Variants in CAMP observed in about 807,000 individuals in gnomAD.
The protein encoded by CAMP is cathelicidin antimicrobial peptide.
In CAMP, 10 loss-of-function variants were observed where a neutral mutation model predicts 12.7. That is an observed-to-expected ratio of 0.79 (90% CI 0.49 to 1.34). The LOEUF (loss-of-function observed/expected upper bound fraction) is 1.34, where lower values mean the gene tolerates loss of function less well. Among genes scored for constraint, CAMP ranks in the 40% most tolerant of loss-of-function variants. The pLI, the probability that CAMP is intolerant of heterozygous loss-of-function variation, is 0.00. For missense variants in CAMP, 205 were observed against 213.0 expected, an observed-to-expected ratio of 0.96 and a Z score of 0.23; for synonymous variants, 87 against 85.2, an observed-to-expected ratio of 1.02 and a Z score of -0.12.
In CAMP at chr3:48,223,573, G is replaced by T. The variant is rs769920994; in HGVS notation, c.62G>T (p.Gly21Val). ...TGGTCACTGGTGCTCCTGCTGCTGG[G>T]CCTGGTGATGCCTCTGGCCATCATT... ...GRWSLVLLLL[G>V]LVMPLAIIAQ... The change falls in exon 1 of 4, where the codon GGC becomes GTC. Residue 21 changes from glycine (G) to valine (V), a missense_variant. Gly to Val is a moderately radical substitution (Grantham distance 109). Coordinates refer to ENST00000652295, the MANE Select transcript of CAMP (RefSeq NM_004345.5). 6.2e-6 allele frequency: 10 copies of T among 1,612,914 alleles called. No homozygotes were observed. The South Asian group carries it at 1.1e-4, about 18-fold the overall frequency.
In CAMP at chr3:48,225,464, A is replaced by G; in HGVS notation, c.*40A>G. 6.3e-7 allele frequency: 1 copy of G among 1,583,312 alleles called. No individual in the cohort carries two copies. The highest frequency in any genetic ancestry group is 1.1e-5 in the South Asian group (1 of 89,098). On this transcript the variant is annotated 3_prime_UTR_variant, in exon 4 of 4. Transcript: ENST00000652295. Reference sequence around the variant, plus strand: ...TGGCTCAGGCTTCTGGGCTCTGAGAAATAAACTATGAGAGCAATTTCCTCA... The same window carrying G: ...TGGCTCAGGCTTCTGGGCTCTGAGAGATAAACTATGAGAGCAATTTCCTCA...
At chr3:48,225,078 A>T (rs183019175) in intron 3 of CAMP, among the ~76,000 whole-genome samples, 2 of 152,252 alleles carry the variant, frequency 1.3e-5, no homozygotes, top group African/African-American at 4.8e-5. Context: ...GACCCTGCAG[A>T]GCCCCTCACT....
rs2106814659 is a variant in CAMP, at chr3:48,224,449, C to T, written c.297C>T (p.Phe99=). The change falls in exon 2 of 4, where the codon TTC becomes TTT. Residue 99 remains phenylalanine, a synonymous_variant. Coordinates refer to ENST00000652295, the MANE Select transcript of CAMP (RefSeq NM_004345.5). ...TTQQSPEDCD[F]KKDGLVKRCM... is the part of the protein sequence containing the mutation. The stretch of plus-strand genomic sequence containing the variant: ...AGCAGTCACCAGAGGATTGTGACTT[C>T]AAGAAGGACGGGGTGAGGCTGGGGG... 1 of 1,611,730 alleles carries T rather than the reference C, an allele frequency of 6.2e-7. No individual in the cohort carries two copies. Among genetic ancestry groups the T allele is most frequent in the East Asian group, 2.2e-5 (1 of 44,868 alleles).
At chr3:48,224,716 A>G (rs2033481141) in intron 3 of CAMP, 42 bp downstream of exon 3, 5 of 1,426,650 alleles carry the variant, frequency 3.5e-6, no homozygotes, top group Non-Finnish European at 4.9e-6. Flanking sequence ...ATGGGGGCAT[A>G]GAGTGTGGAC....
At chr3:48,224,823 C>A (rs1043360343) in intron 3 of CAMP, 149 bp downstream of exon 3, 11 of 667,720 alleles carry the variant, frequency 1.6e-5, no homozygotes, top group Non-Finnish European at 2.7e-5. Flanking sequence ...TCTCCAGGGC[C>A]GGCTCTGGAA....
intron 2 of CAMP, 24 bp downstream of exon 2, chr3:48,224,485 T>C: frequency 6.4e-7 from 1 of 1,570,858 alleles, no homozygotes; most frequent in African/African-American, 1.4e-5. Flanking sequence ...CTGGGGGTGT[T>C]GGTGGGTGCC....
chr3:48,225,309 C>A lies in CAMP; in HGVS notation c.398C>A (p.Ala133Asp). The A allele has an allele frequency of 6.2e-7, 1 of 1,613,264 alleles. No individual in the cohort carries two copies. The highest frequency in any genetic ancestry group is 8.5e-7 in the Non-Finnish European group (1 of 1,179,390). The change falls in exon 4 of 4, where the codon GCC becomes GAC. Residue 133 changes from alanine (A) to aspartate (D), a missense_variant. Physicochemically the swap from Ala to Asp is moderately radical, Grantham distance 126. Transcript: ENST00000652295. Reference sequence around the variant, plus strand: ...CAACCCCAGGATAACAAGAGATTTGCCCTGCTGGGTGATTTCTTCCGGAAA... The same window carrying A: ...CAACCCCAGGATAACAAGAGATTTGACCTGCTGGGTGATTTCTTCCGGAAA... ...ISCDKDNKRF[A>D]LLGDFFRKSK...
chr3:48,225,061 G>T (rs1368933511), intron 3 of CAMP, among the ~76,000 whole-genome samples: 1 of 152,166 alleles, frequency 6.6e-6, no homozygotes, highest in Non-Finnish European at 1.5e-5. Flanking sequence ...GCTGGGCTGG[G>T]CTGTGTGACC....
chr3:48,224,847 T>C (rs2033483401), intron 3 of CAMP, among the ~76,000 whole-genome samples, 173 bp downstream of exon 3: 1 of 152,118 alleles, frequency 6.6e-6, no homozygotes, highest in Admixed American at 6.5e-5. Flanking sequence ...CTTAGAGCGG[T>C]AGATCTCCAA....
At chr3:48,224,300 G>A in intron 1 of CAMP, 54 bp from the exon 2 acceptor site, 1 of 1,246,516 alleles carries the variant, frequency 8.0e-7, no homozygotes, top group Non-Finnish European at 1.2e-6. Flanking sequence ...GGGAGGTCAT[G>A]GACACAAATC....
At position 48,224,591 on chromosome 3, in the gene CAMP, TCTC is replaced by T. The variant is rs749408739; in HGVS notation, c.310-9_310-7del. 64 of 1,610,686 alleles carry T rather than the reference TCTC, an allele frequency of 4.0e-5. No individual in the cohort carries two copies. The highest frequency in any genetic ancestry group is 8.3e-5 in the Admixed American group (5 of 59,948). On this transcript the variant is annotated splice_polypyrimidine_tract_variant and intron_variant, in intron 2 of 3. Transcript: ENST00000652295. ...ATGGTTTCAAGTTTGACCTTGAGCT[TCTC>T]CTTTCCAGCTGGTGAAGCGGTGTAT...
chr3:48,224,374 A>T lies in CAMP; in HGVS notation c.222A>T (p.Pro74=), dbSNP rs1176721169. ...RPTMDGDPDT[P]KPVSFTVKET... is the part of the protein sequence containing the mutation. ...ACTAGGATGGGGACCCAGACACGCC[A>T]AAGCCTGTGAGCTTCACAGTGAAGG... The change falls in exon 2 of 4, where the codon CCA becomes CCT. Residue 74 remains proline, a synonymous_variant. Transcript: ENST00000652295. The T allele has an allele frequency of 6.2e-7, 1 of 1,613,464 alleles. No individual in the cohort carries two copies. The highest frequency in any genetic ancestry group is 1.7e-5 in the Admixed American group (1 of 60,008).
At chr3:48,225,160 C>A in intron 3 of CAMP, 133 bp from the exon 4 acceptor site, 2 of 731,204 alleles carry the variant, frequency 2.7e-6, no homozygotes, top group Non-Finnish European at 4.8e-6. Flanking sequence ...AAGGTCACAG[C>A]CAGAGGTTGA....
chr3:48,224,420 A>C lies in CAMP; in HGVS notation c.268A>C (p.Thr90Pro). 1 of 1,613,982 alleles carries C rather than the reference A, an allele frequency of 6.2e-7. No individual in the cohort carries two copies. Among genetic ancestry groups the C allele is most frequent in the Non-Finnish European group, 8.5e-7 (1 of 1,179,844 alleles). The change falls in exon 2 of 4, where the codon ACA becomes CCA. Residue 90 changes from threonine to proline, a missense_variant. Physicochemically the swap from Thr to Pro is conservative, Grantham distance 38. Coordinates refer to ENST00000652295, the MANE Select transcript of CAMP (RefSeq NM_004345.5). Reference sequence around the variant, plus strand: ...GAAGGAGACAGTGTGCCCCAGGACGACACAGCAGTCACCAGAGGATTGTGA... The same window carrying C: ...GAAGGAGACAGTGTGCCCCAGGACGCCACAGCAGTCACCAGAGGATTGTGA... ...TVKETVCPRT[T>P]QQSPEDCDFK...
rs946409646 is a variant in CAMP at position 48,224,809 on chromosome 3, TC to T, written c.381+137del. 1.1e-4 allele frequency: 75 copies of T among 711,404 alleles called. No homozygotes were observed. The African/African-American group carries it at 1.2e-3, about 11-fold the overall frequency. 44.1% of individuals were successfully genotyped at this position (711,404 alleles called of 1,614,324 possible). On this transcript the variant is annotated intron_variant, in intron 3 of 3. Coordinates refer to ENST00000652295, the MANE Select transcript of CAMP (RefSeq NM_004345.5). ...CCAGGGCTCTTCCCCAAACCTGAGTTCCATCTCCAGGGCCGGCTCTGGAATC... is the reference window on the plus strand; with the variant it reads ...CCAGGGCTCTTCCCCAAACCTGAGTTCATCTCCAGGGCCGGCTCTGGAATC...
At position 48,223,632 on chromosome 3, in the gene CAMP, C is replaced by T. The variant is rs367676545; in HGVS notation, c.121C>T (p.Arg41Cys). The T allele has an allele frequency of 2.0e-5, 33 of 1,614,150 alleles. No homozygotes were observed. The highest frequency in any genetic ancestry group is 6.7e-5 in the Admixed American group (4 of 60,020). The change falls in exon 1 of 4, where the codon CGT becomes TGT. Residue 41 changes from arginine (R) to cysteine (C), a missense_variant. By Grantham distance (180) the Arg-to-Cys change is radical. Transcript: ENST00000652295. ...CCTCAGCTACAAGGAAGCTGTGCTT[C>T]GTGCTATAGATGGCATCAACCAGCG... ...QVLSYKEAVL[R>C]AIDGINQRSS... is the part of the protein sequence containing the mutation.
Position 48,225,470 on chromosome 3 carries a change from CTA to C in CAMP, c.*48_*49del. 1 of 1,567,166 alleles carries C rather than the reference CTA, an allele frequency of 6.4e-7. No individual in the cohort carries two copies. The highest frequency in any genetic ancestry group is 8.7e-7 in the Non-Finnish European group (1 of 1,146,060). Reference sequence around the variant, plus strand: ...AGGCTTCTGGGCTCTGAGAAATAAACTATGAGAGCAATTTCCTCAGGCTTCAG... The same window carrying C: ...AGGCTTCTGGGCTCTGAGAAATAAACTGAGAGCAATTTCCTCAGGCTTCAG... On this transcript the variant is annotated 3_prime_UTR_variant, in exon 4 of 4. Coordinates refer to ENST00000652295, the MANE Select transcript of CAMP (RefSeq NM_004345.5).
At chr3:48,224,855 C>T (rs2033483647) in intron 3 of CAMP, among the ~76,000 whole-genome samples, 181 bp downstream of exon 3, 1 of 152,030 alleles carries the variant, frequency 6.6e-6, no homozygotes, top group Non-Finnish European at 1.5e-5. Context: ...GGTAGATCTC[C>T]AAGTGTAGCC....
intron 3 of CAMP, 150 bp from the exon 4 acceptor site, chr3:48,225,143 T>G (rs1391367871): frequency 1.5e-6 from 1 of 674,682 alleles, no homozygotes; most frequent in Non-Finnish European, 2.6e-6. Context: ...TTCAATCACA[T>G]GCTTCAAAGG....
Sources: allele counts gnomAD v4.1 joint callset (sites outside exome capture counted in the v4.1 genomes callset), GRCh38; gene constraint gnomAD v4.1.1; transcripts MANE v1.5; gene names NCBI Gene and HGNC (gene_info 2026-07-23, HGNC 2026-07-21).